The following LDB2 variants were observed in gnomAD, a reference collection of about 807,000 sequenced individuals.
LDB2 encodes LIM domain-binding protein 2.
Under a neutral mutation model 44.3 loss-of-function variants are expected in LDB2, and 12 were observed. That is an observed-to-expected ratio of 0.27 (90% CI 0.17 to 0.44). The LOEUF (loss-of-function observed/expected upper bound fraction) is 0.44, where lower values mean the gene tolerates loss of function less well. Among genes scored for constraint, LDB2 ranks in the 20% least tolerant of loss-of-function variants. LDB2 has a pLI of 1.00. For missense variants in LDB2, 344 were observed against 473.5 expected (o/e 0.73, Z 2.54); for synonymous variants, 164 against 174.8 (o/e 0.94, Z 0.49).
chr4:16,855,663 T>C (rs1394341499), intron 1 of LDB2, among the ~76,000 whole-genome samples: 1 of 152,058 alleles, frequency 6.6e-6, no homozygotes, highest in Non-Finnish European at 1.5e-5. Context: ...AAAATAAAGG[T>C]TAGGAAAGTT....
At chr4:16,874,686 G>A (rs947390195) in intron 1 of LDB2, among the ~76,000 whole-genome samples, 2 of 152,170 alleles carry the variant, frequency 1.3e-5, no homozygotes, top group African/African-American at 4.8e-5. Flanking sequence ...CATCATGTCT[G>A]TTTTCTAAAA....
chr4:16,563,615 A>ATTT (rs1272116766), intron 5 of LDB2, among the ~76,000 whole-genome samples: 4 of 136,026 alleles, frequency 2.9e-5, no homozygotes, highest in African/African-American at 8.1e-5. Context: ...CGCCTGGCTA[A>ATTT]TTTTTTTTTT....
At chr4:16,597,866 A>C (rs1452575485) in intron 2 of LDB2, among the ~76,000 whole-genome samples, 1 of 152,198 alleles carries the variant, frequency 6.6e-6, no homozygotes, top group African/African-American at 2.4e-5. Flanking sequence ...TTACTTCCCC[A>C]AATCCAGAAA....
chr4:16,558,728 C>G (rs560802497), intron 5 of LDB2, among the ~76,000 whole-genome samples: 1 of 151,818 alleles, frequency 6.6e-6, no homozygotes, highest in Admixed American at 6.6e-5. Flanking sequence ...AGATACTCCT[C>G]GAGAAGAGCA....
intron 5 of LDB2, among the ~76,000 whole-genome samples, chr4:16,536,698 AG>A (rs1336219845): frequency 6.6e-6 from 1 of 152,220 alleles, no homozygotes; most frequent in African/African-American, 2.4e-5. Flanking sequence ...CAGGTGGGTC[AG>A]GGGATGGAGA....
chr4:16,834,169 G>A (rs974275501), intron 1 of LDB2, among the ~76,000 whole-genome samples: 2 of 152,184 alleles, frequency 1.3e-5, no homozygotes, highest in African/African-American at 2.4e-5. Flanking sequence ...AGGGCTTATT[G>A]TCTGTTTTGT....
At chr4:16,811,277 G>C (rs577404967) in intron 1 of LDB2, among the ~76,000 whole-genome samples, 1 of 152,238 alleles carries the variant, frequency 6.6e-6, no homozygotes, top group South Asian at 2.1e-4. Flanking sequence ...GTCACATGTG[G>C]TCTCATTGCT....
chr4:16,553,816 C>G (rs1195444089), intron 5 of LDB2, among the ~76,000 whole-genome samples: 1 of 152,162 alleles, frequency 6.6e-6, no homozygotes, highest in Non-Finnish European at 1.5e-5. Flanking sequence ...ATAGGTACCA[C>G]TAGTATCCCC....
intron 2 of LDB2, among the ~76,000 whole-genome samples, chr4:16,651,920 A>C (rs1421539929): frequency 1.3e-5 from 2 of 152,198 alleles, no homozygotes; most frequent in Non-Finnish European, 2.9e-5. Flanking sequence ...CTTAGGTACT[A>C]TATCCCAAGA....
At chr4:16,776,493 T>C (rs992706828) in intron 1 of LDB2, among the ~76,000 whole-genome samples, 1 of 152,176 alleles carries the variant, frequency 6.6e-6, no homozygotes, top group Non-Finnish European at 1.5e-5. Context: ...GGCAAATGGA[T>C]TTCAACCCCA....
intron 1 of LDB2, among the ~76,000 whole-genome samples, chr4:16,777,832 C>A (rs949430450): frequency 1.1e-4 from 16 of 152,206 alleles, no homozygotes; most frequent in South Asian, 8.3e-4. Context: ...TGATCAGTAA[C>A]TCTGTTAGTC....
chr4:16,850,626 T>C (rs1254375326), intron 1 of LDB2, among the ~76,000 whole-genome samples: 1 of 152,164 alleles, frequency 6.6e-6, no homozygotes, highest in Admixed American at 6.5e-5. Context: ...CTCATATCAT[T>C]ACCCCAAGAA....
chr4:16,898,207 T>C (rs903893791), intron 1 of LDB2, 147 bp downstream of exon 1: 3 of 717,300 alleles, frequency 4.2e-6, no homozygotes, highest in Non-Finnish European at 6.7e-6. Context: ...GCGTCCAAAC[T>C]CGTGGATTCA....
intron 1 of LDB2, among the ~76,000 whole-genome samples, chr4:16,833,238 TC>T (rs1784338863): frequency 6.6e-6 from 1 of 152,210 alleles, no homozygotes; most frequent in African/African-American, 2.4e-5. Flanking sequence ...AGGGAATATG[TC>T]TGATTAGTCA....
At chr4:16,750,873 T>C (rs1361326287) in intron 2 of LDB2, 1 of 152,218 alleles carries the variant, frequency 6.6e-6, no homozygotes, top group Non-Finnish European at 1.5e-5. Context: ...AATTTTTTAT[T>C]GTGTAGAACA....
At chr4:16,876,866 TG>T (rs1718546790) in intron 1 of LDB2, among the ~76,000 whole-genome samples, 1 of 152,012 alleles carries the variant, frequency 6.6e-6, no homozygotes, top group Admixed American at 6.6e-5. Flanking sequence ...CTTTAACCAT[TG>T]ATTCAGTGAA....
intron 1 of LDB2, among the ~76,000 whole-genome samples, chr4:16,894,280 A>G (rs1379702405): frequency 6.6e-6 from 1 of 152,190 alleles, no homozygotes; most frequent in Non-Finnish European, 1.5e-5. Context: ...TTGACAGCAT[A>G]CACAACAGAA....
intron 2 of LDB2, among the ~76,000 whole-genome samples, chr4:16,608,893 C>T (rs1379039535): frequency 6.6e-6 from 1 of 152,180 alleles, no homozygotes; most frequent in Admixed American, 6.5e-5. Context: ...AGGCTTCTCT[C>T]TCTGGCTTCA....
At chr4:16,862,063 C>T (rs181422389) in intron 1 of LDB2, among the ~76,000 whole-genome samples, 3 of 152,184 alleles carry the variant, frequency 2.0e-5, no homozygotes, top group Non-Finnish European at 4.4e-5. Flanking sequence ...TAAAGGACAT[C>T]GAGGCTGCCA....
Sources: allele counts gnomAD v4.1 joint callset (sites outside exome capture counted in the v4.1 genomes callset), GRCh38; gene constraint gnomAD v4.1.1; transcripts MANE v1.5; gene names NCBI Gene and HGNC (gene_info 2026-07-23, HGNC 2026-07-21).